Variants in MLC1 observed in about 807,000 individuals in gnomAD.
The protein encoded by MLC1 is membrane protein MLC1.
Under a neutral mutation model 44.7 loss-of-function variants are expected in MLC1, and 32 were observed. The observed-to-expected ratio is 0.72, with a 90% CI of 0.54 to 0.96. The LOEUF is 0.96. Among genes scored for constraint, MLC1 ranks in the 40% least tolerant of loss-of-function variants. The probability of loss-of-function intolerance (pLI) is 0.00; values close to 1 mark genes in which losing one functional copy is unlikely to be tolerated. For missense variants in MLC1, 459 were observed against 492.2 expected (o/e 0.93, Z 0.64); for synonymous variants, 190 against 213.0 (o/e 0.89, Z 0.94).
rs757955594 is a variant in MLC1, at chr22:50,074,172, G to C, written c.714+44C>G. 6.7e-6 allele frequency: 10 copies of C among 1,498,018 alleles called. No individual in the cohort carries two copies. In the South Asian group the frequency reaches 1.2e-4, roughly 17 times the overall value. The allele number at this position is 1,498,018 out of a possible 1,614,324, so 92.8% of individuals were successfully genotyped here. Reference sequence around the variant, plus strand: ...GGCCCAGCCACGCAGGATCTGAGCAGTGTGGCCCAGAGCGGCGGCGGGCGG... The same window carrying C: ...GGCCCAGCCACGCAGGATCTGAGCACTGTGGCCCAGAGCGGCGGCGGGCGG... On this transcript the variant is annotated intron_variant, in intron 8 of 11. Coordinates refer to ENST00000311597, the MANE Select transcript of MLC1 (RefSeq NM_015166.4).
In MLC1 at chr22:50,073,378, C is replaced by T. The variant is rs116843943; in HGVS notation, c.714+838G>A. 7.6e-3 allele frequency among the ~76,000 whole-genome samples: 1,156 copies of T among 152,302 alleles called. 58 individuals carry two copies. The East Asian group carries it at 0.12, about 15-fold the overall frequency. On this transcript the variant is annotated intron_variant, in intron 8 of 11. Transcript: ENST00000311597. ...ACCTCGTGGGGTCTGCGTCCGGAGG[C>T]AGGTGGGTGGTGGCTCTGGGTGGGC...
At position 50,083,062 on chromosome 22, in the gene MLC1, A is replaced by C. The variant is rs1205972301; in HGVS notation, c.267+22T>G. 6.2e-7 allele frequency: 1 copy of C among 1,611,152 alleles called. No individual in the cohort carries two copies. Reference sequence around the variant, plus strand: ...TGCCGGCGAGCTTGGGCACTGGCAGAGGCGTGGAGGAAGCTGCTTACAGAG... The same window carrying C: ...TGCCGGCGAGCTTGGGCACTGGCAGCGGCGTGGAGGAAGCTGCTTACAGAG... On this transcript the variant is annotated intron_variant, in intron 3 of 11. Coordinates refer to ENST00000311597, the MANE Select transcript of MLC1 (RefSeq NM_015166.4). This position sits in a 1 kb window ranked among gnomAD's most constrained non-coding sequence, Gnocchi z 4.6.
rs1227046821 is a variant in MLC1 at position 50,067,545 on chromosome 22, C to A, written c.894+888G>T. The stretch of plus-strand genomic sequence containing the variant: ...CCCCTGTCAGGCAGTGACTCCATCC[C>A]CCCATCAGGCAGTGACTCCATCCCC... On this transcript the variant is annotated intron_variant, in intron 10 of 11. Transcript: ENST00000311597. Among the ~76,000 whole-genome samples the A allele has an allele frequency of 9.4e-4, 106 of 112,682 alleles. 13 individuals carry two copies. The highest frequency in any genetic ancestry group is 1.5e-3 in the Non-Finnish European group (78 of 53,762). 73.9% of individuals were successfully genotyped at this position (112,682 alleles called of 152,430 possible).
Position 50,061,283 on chromosome 22 carries a change from G to T in MLC1, c.*300C>A. 2.1e-6 allele frequency: 1 copy of T among 472,818 alleles called. No individual in the cohort carries two copies. The highest frequency in any genetic ancestry group is 3.9e-6 in the Non-Finnish European group (1 of 256,728). 29.3% of individuals were successfully genotyped at this position (472,818 alleles called of 1,614,324 possible). A position where few individuals can be genotyped will look rare whatever the true frequency, so the allele number is the denominator to read the frequency against. On this transcript the variant is annotated 3_prime_UTR_variant, in exon 12 of 12. Transcript: ENST00000311597. Reference sequence around the variant, plus strand: ...GGAGCTGGGGCCAGTTCAGGGGTGGGGCTCTCAAGAGGCCGAGCCGGGGGC... The same window carrying T: ...GGAGCTGGGGCCAGTTCAGGGGTGGTGCTCTCAAGAGGCCGAGCCGGGGGC...
intron 7 of MLC1, 31 bp downstream of exon 7, chr22:50,076,810 G>A: frequency 6.2e-7 from 1 of 1,606,372 alleles, no homozygotes. Context: ...CAGAGTATGA[G>A]AGAAAAGAGA....
chr22:50,076,719 C>T, intron 7 of MLC1, 122 bp downstream of exon 7: 1 of 1,002,062 alleles, frequency 1.0e-6, no homozygotes, highest in South Asian at 1.3e-5. Context: ...GAGGCGCACG[C>T]CGCCATGCGG....
At chr22:50,085,070 A>C in intron 1 of MLC1, 109 bp from the exon 2 acceptor site, 1 of 1,452,368 alleles carries the variant, frequency 6.9e-7, no homozygotes, top group Admixed American at 2.6e-5. Flanking sequence ...AAGTGCTCTA[A>C]ATTTGAAGAA....
chr22:50,062,307 GC>G (rs1432209351), intron 11 of MLC1, among the ~76,000 whole-genome samples: 2 of 142,760 alleles, frequency 1.4e-5, no homozygotes, highest in African/African-American at 5.1e-5. Context: ...AGCCCCAGCC[GC>G]CCACCCTGAG....
At chr22:50,068,583 C>T in intron 9 of MLC1, 28 bp from the exon 10 acceptor site, 1 of 1,610,390 alleles carries the variant, frequency 6.2e-7, no homozygotes, top group Non-Finnish European at 8.5e-7. Context: ...GTTGCAGGAC[C>T]ACGGCCGGAG....
At chr22:50,070,633 C>A (rs778836711) in intron 8 of MLC1, 50 bp from the exon 9 acceptor site, 3 of 1,531,372 alleles carry the variant, frequency 2.0e-6, no homozygotes, top group East Asian at 2.4e-5. Flanking sequence ...TCGAAGAAGT[C>A]GAATTCCAAA....
At chr22:50,075,170 C>T (rs895773789) in intron 7 of MLC1, among the ~76,000 whole-genome samples, 1 of 146,050 alleles carries the variant, frequency 6.8e-6, no homozygotes, top group East Asian at 2.0e-4. Context: ...AGGGAGGGGC[C>T]GCAACCAGCA....
intron 11 of MLC1, among the ~76,000 whole-genome samples, chr22:50,063,742 T>TTCC: frequency 7.0e-5 from 1 of 14,246 alleles, no homozygotes; most frequent in South Asian, 1.8e-3. Context: ...ACCTCCCCAG[T>TTCC]GCCCCCACCC....
At chr22:50,070,231 C>A (rs2061817648) in intron 9 of MLC1, among the ~76,000 whole-genome samples, 1 of 152,142 alleles carries the variant, frequency 6.6e-6, no homozygotes, top group South Asian at 2.1e-4. Flanking sequence ...ATCGACCAGC[C>A]TTAGGAGGTG....
intron 7 of MLC1, chr22:50,074,801 G>A (rs936206450): frequency 3.3e-5 from 7 of 214,908 alleles, no homozygotes; most frequent in Non-Finnish European, 6.7e-5. Context: ...AACACTGGAC[G>A]TCACCACCCC....
At chr22:50,064,596 G>A (rs540193065) in intron 10 of MLC1, among the ~76,000 whole-genome samples, 172 of 151,814 alleles carry the variant, frequency 1.1e-3, no homozygotes, top group African/African-American at 3.6e-3. Context: ...GATCCTGAGC[G>A]GAGGAGACAG....
intron 10 of MLC1, 121 bp downstream of exon 10, chr22:50,068,312 G>A (rs1461396395): frequency 1.4e-6 from 2 of 1,405,002 alleles, no homozygotes; most frequent in African/African-American, 1.4e-5. Flanking sequence ...AGCGGAGGAG[G>A]TGCCTCCTGG....
Position 50,077,504 on chromosome 22 carries a change from T to G in MLC1, c.424-2A>C. On this transcript the variant is annotated splice_acceptor_variant, in intron 5 of 11. Transcript: ENST00000311597. LOFTEE classifies it high-confidence loss of function. ...CAGCAGGATGAGGTTGAAGTTGATC[T>G]GCCAAGGGGCACACACGCTTCAGCA... is the stretch of plus-strand genomic sequence containing the variant. The G allele has an allele frequency of 6.2e-7, 1 of 1,612,564 alleles. No homozygotes were observed. Among genetic ancestry groups the G allele is most frequent in the Middle Eastern group, 1.7e-4 (1 of 5,778 alleles).
chr22:50,072,371 C>T (rs974856467), intron 8 of MLC1, among the ~76,000 whole-genome samples: 2 of 152,232 alleles, frequency 1.3e-5, no homozygotes, highest in South Asian at 2.1e-4. Flanking sequence ...GCCCCTCTGC[C>T]GCACCCAGGC....
rs2076134 is a variant in MLC1, at chr22:50,070,466, A to G, written c.771+61T>C. 215,377 of 1,452,550 alleles carry G rather than the reference A, an allele frequency of 0.15. 16,722 individuals are homozygous for G. Among genetic ancestry groups the G allele is most frequent in the South Asian group, 0.22 (18,408 of 82,184 alleles). The allele number at this position is 1,452,550 out of a possible 1,614,324, so 90.0% of individuals were successfully genotyped here. A position where few individuals can be genotyped will look rare whatever the true frequency, so the allele number is the denominator to read the frequency against. ...GGTCACATGGCACCAAGGGAGGGCTAGGCCAGGCCCTGGCCCCGCTCGGTG... is the reference window on the plus strand; with the variant it reads ...GGTCACATGGCACCAAGGGAGGGCTGGGCCAGGCCCTGGCCCCGCTCGGTG... On this transcript the variant is annotated intron_variant, in intron 9 of 11. Transcript: ENST00000311597.
Sources: gnomAD v4.1 joint callset for allele counts (sites outside exome capture counted in the v4.1 genomes callset) on GRCh38, gnomAD v4.1.1 for gene constraint, Gnocchi (gnomAD v3.1) non-coding constraint, MANE v1.5 for transcripts, NCBI Gene and HGNC (gene_info 2026-07-23, HGNC 2026-07-21) for gene names.